ANKFN1: variants seen among roughly 807,000 people sequenced by gnomAD.
ANKFN1 encodes ankyrin repeat and fibronectin type III domain containing 1.
ANKFN1 carries 74 observed loss-of-function variants against 108.7 expected under a neutral mutation model. That is an observed-to-expected ratio of 0.68 (90% confidence interval 0.56 to 0.83). The LOEUF (loss-of-function observed/expected upper bound fraction) is 0.83. Among genes scored for constraint, ANKFN1 ranks in the 40% least tolerant of loss-of-function variants. The pLI is 0.00. For synonymous variants in ANKFN1, 547 were observed against 516.2 expected (o/e 1.06, Z -0.81); for missense variants, 1,505 against 1,382.3 (o/e 1.09, Z -1.41).
rs971272288 is a variant in ANKFN1, at chr17:56,246,736, TA to T, written c.53+18789del. 2.8e-3 allele frequency among the ~76,000 whole-genome samples: 412 copies of T among 149,324 alleles called. 2 individuals are homozygous for T. The highest frequency in any genetic ancestry group is 8.6e-3 in the African/African-American group (352 of 40,776). The stretch of plus-strand genomic sequence containing the variant: ...GAAACTTCACATTTTCAATTAGATT[TA>T]AAAAAAAAACGCAGGCCATTTCCTT... On this transcript the variant is annotated intron_variant, in intron 3 of 20. Transcript: ENST00000682825.
At chr17:56,460,673 A>C (rs910492010) in intron 14 of ANKFN1, among the ~76,000 whole-genome samples, 1 of 151,580 alleles carries the variant, frequency 6.6e-6, no homozygotes, top group African/African-American at 2.4e-5. Context: ...TTTATTTCAG[A>C]AGGTAAAGTC....
At chr17:56,493,970 T>A (rs1000368049) in intron 19 of ANKFN1, among the ~76,000 whole-genome samples, 2 of 152,194 alleles carry the variant, frequency 1.3e-5, no homozygotes, top group Non-Finnish European at 2.9e-5. Context: ...TATCTCATAA[T>A]GTTACTGAGA....
chr17:56,418,938 A>G lies in ANKFN1; in HGVS notation c.911-21389A>G, dbSNP rs137942859. The stretch of plus-strand genomic sequence containing the variant: ...GATTTCTTGAGTTTGCAGAAGTTAA[A>G]CATTCTCAACAAGAGAAGCTTGGTT... On this transcript the variant is annotated intron_variant, in intron 8 of 20. Coordinates refer to ENST00000682825, the MANE Select transcript of ANKFN1 (RefSeq NM_001370326.1). 5.3e-4 allele frequency among the ~76,000 whole-genome samples: 81 copies of G among 152,340 alleles called. 1 individual carries two copies. The Middle Eastern group carries it at 0.017, about 32-fold the overall frequency.
chr17:56,310,339 C>T (rs1325748388), intron 3 of ANKFN1, among the ~76,000 whole-genome samples: 3 of 152,216 alleles, frequency 2.0e-5, no homozygotes, highest in East Asian at 1.9e-4. Flanking sequence ...AAAATTGGGC[C>T]GGGTGCAGTG....
At chr17:56,276,859 T>C (rs890915357) in intron 3 of ANKFN1, among the ~76,000 whole-genome samples, 1 of 152,236 alleles carries the variant, frequency 6.6e-6, no homozygotes, top group African/African-American at 2.4e-5. Flanking sequence ...TGTATTTCAA[T>C]TCATCATAGG....
chr17:56,347,940 C>G (rs535070447), intron 4 of ANKFN1, among the ~76,000 whole-genome samples: 1 of 151,978 alleles, frequency 6.6e-6, no homozygotes, highest in Non-Finnish European at 1.5e-5. Flanking sequence ...GTGGGAGATA[C>G]AAAAGAATGT....
At chr17:56,498,134 C>T (rs1179971057) in intron 19 of ANKFN1, among the ~76,000 whole-genome samples, 1 of 152,056 alleles carries the variant, frequency 6.6e-6, no homozygotes, top group Non-Finnish European at 1.5e-5. Flanking sequence ...ATGGACTACT[C>T]TAGAAATGTA....
intron 6 of ANKFN1, among the ~76,000 whole-genome samples, chr17:56,355,763 C>T (rs1016969176): frequency 6.6e-6 from 1 of 152,018 alleles, no homozygotes; most frequent in African/African-American, 2.4e-5. Flanking sequence ...TGTCAGAATT[C>T]TGGATATATT....
At chr17:56,110,319 T>C (rs186437009) in intron 4 of ANKFN1, among the ~76,000 whole-genome samples, 1 of 152,328 alleles carries the variant, frequency 6.6e-6, no homozygotes, top group Admixed American at 6.5e-5. Context: ...TTCTTACTAA[T>C]TTGTTTACTT....
chr17:56,515,680 G>T lies in ANKFN1; in HGVS notation c.*4411G>T, dbSNP rs2051896998. The stretch of plus-strand genomic sequence containing the variant: ...GACTTTTTCTGAGGTGTTGAACTTT[G>T]CCATTAGCAAAAAGTATTTTTAGAA... On this transcript the variant is annotated 3_prime_UTR_variant, in exon 21 of 21. Transcript: ENST00000682825. Among the ~76,000 whole-genome samples the T allele has an allele frequency of 6.6e-6, 1 of 152,140 alleles. No individual in the cohort carries two copies. The highest frequency in any genetic ancestry group is 6.6e-5 in the Admixed American group (1 of 15,266).
At chr17:56,123,069 C>A (rs1906716614) in intron 4 of ANKFN1, among the ~76,000 whole-genome samples, 1 of 152,180 alleles carries the variant, frequency 6.6e-6, no homozygotes, top group African/African-American at 2.4e-5. Context: ...TGGAGGAGTT[C>A]ATTGAATCCT....
At chr17:56,328,467 T>C (rs1377236430) in intron 4 of ANKFN1, among the ~76,000 whole-genome samples, 1 of 152,228 alleles carries the variant, frequency 6.6e-6, no homozygotes, top group South Asian at 2.1e-4. Context: ...ACTGATACTT[T>C]ATGATAAATG....
intron 2 of ANKFN1, among the ~76,000 whole-genome samples, chr17:56,223,492 C>T (rs936101322): frequency 8.5e-5 from 13 of 152,236 alleles, no homozygotes; most frequent in Admixed American, 2.0e-4. Flanking sequence ...ACCAAGGCCT[C>T]AGCAAAGGCA....
chr17:56,088,178 C>G (rs187631327), intron 4 of ANKFN1, among the ~76,000 whole-genome samples: 1 of 151,446 alleles, frequency 6.6e-6, no homozygotes, highest in East Asian at 1.9e-4. Context: ...GTCTGGTAAA[C>G]TGATTAACAC....
intron 8 of ANKFN1, among the ~76,000 whole-genome samples, chr17:56,415,036 A>G (rs975980352): frequency 6.6e-6 from 1 of 151,998 alleles, no homozygotes; most frequent in Non-Finnish European, 1.5e-5. Flanking sequence ...AGAAAAAAAA[A>G]CCCTCAAAAA....
chr17:56,486,768 AT>A (rs1171044369), intron 18 of ANKFN1, among the ~76,000 whole-genome samples: 1 of 152,220 alleles, frequency 6.6e-6, no homozygotes, highest in East Asian at 1.9e-4. Context: ...TAATAACCAC[AT>A]GGGAATTCTA....
Position 56,427,421 on chromosome 17 carries a change from AT to A in ANKFN1, c.911-12896del, listed in dbSNP as rs895839710. On this transcript the variant is annotated intron_variant, in intron 8 of 20. Coordinates refer to ENST00000682825, the MANE Select transcript of ANKFN1 (RefSeq NM_001370326.1). ...TCTGTGACTGTTTACATTGCTGTTT[AT>A]TTTTTTTTTACTCAGTACTTATCTT... Among the ~76,000 whole-genome samples, 332 of 149,588 alleles carry A rather than the reference AT, an allele frequency of 2.2e-3. 3 individuals carry two copies. Among genetic ancestry groups the A allele is most frequent in the African/African-American group, 7.6e-3 (310 of 40,778 alleles).
chr17:56,105,660 T>C (rs571945831), intron 4 of ANKFN1, among the ~76,000 whole-genome samples: 1 of 151,872 alleles, frequency 6.6e-6, no homozygotes, highest in South Asian at 2.1e-4. Context: ...CTTCTTGGGG[T>C]TTATTATTGC....
At chr17:56,273,057 C>T (rs2043831347) in intron 3 of ANKFN1, among the ~76,000 whole-genome samples, 1 of 152,192 alleles carries the variant, frequency 6.6e-6, no homozygotes, top group Non-Finnish European at 1.5e-5. Flanking sequence ...ACACAAAAGA[C>T]AGCAAATTCT....
Sources: gnomAD v4.1 joint callset for allele counts (sites outside exome capture counted in the v4.1 genomes callset) on GRCh38, gnomAD v4.1.1 for gene constraint, MANE v1.5 for transcripts, NCBI Gene and HGNC (gene_info 2026-07-23, HGNC 2026-07-21) for gene names.